The following DEFA4 variants were observed in gnomAD, a reference collection of about 807,000 sequenced individuals.
DEFA4 encodes corticostatin.
In DEFA4, 8 loss-of-function variants were observed where a neutral mutation model predicts 4.4. The observed-to-expected ratio is 1.82, with a 90% confidence interval of 1.07 to 3.29. The LOEUF (loss-of-function observed/expected upper bound fraction) is 3.29, where lower values mean the gene tolerates loss of function less well. Among genes scored for constraint, DEFA4 ranks in the 30% most tolerant of loss-of-function variants. The probability of loss-of-function intolerance (pLI) is 0.00; values close to 1 mark genes in which losing one functional copy is unlikely to be tolerated. For missense variants in DEFA4, 216 were observed against 127.0 expected (o/e 1.70, Z -3.37); for synonymous variants, 77 against 46.5 (o/e 1.66, Z -2.67).
At chr8:6,937,769 A>G (rs768265128) in intron 1 of DEFA4, among the ~76,000 whole-genome samples, 18 of 152,204 alleles carry the variant, frequency 1.2e-4, no homozygotes, top group Admixed American at 6.5e-4. Context: ...ACGCTAAAGC[A>G]TCTTCATAGC....
rs1203947974 is a variant in DEFA4, at chr8:6,936,159, G to A, written c.173-18C>T. On this transcript the variant is annotated intron_variant, in intron 2 of 2. Transcript: ENST00000297435. The stretch of plus-strand genomic sequence containing the variant: ...TGTTGAGCCTGGGAACACAGAGGAA[G>A]CATGAGAAATTAAGCACCAAGGTCA... 1.9e-6 allele frequency: 3 copies of A among 1,612,852 alleles called. No homozygotes were observed. The highest frequency in any genetic ancestry group is 2.2e-5 in the South Asian group (2 of 90,920).
In DEFA4 at chr8:6,938,289, T is replaced by G. The variant is rs1186116750; in HGVS notation, c.-76A>C. On this transcript the variant is annotated 5_prime_UTR_variant, in exon 1 of 3. Coordinates refer to ENST00000297435, the MANE Select transcript of DEFA4 (RefSeq NM_001925.3). ...CAGCAGTCCTGTGTTCCAGGTCTTA[T>G]GTAGCAAGAGCAGCCATGCACACAG... 6.6e-6 allele frequency: 1 copy of G among 152,202 alleles called. No individual in the cohort carries two copies. The highest frequency in any genetic ancestry group is 1.5e-5 in the Non-Finnish European group (1 of 68,048). 9.4% of individuals were successfully genotyped at this position (152,202 alleles called of 1,614,324 possible). A position where few individuals can be genotyped will look rare whatever the true frequency, so the allele number is the denominator to read the frequency against.
chr8:6,936,042 T>C lies in DEFA4; in HGVS notation c.272A>G (p.Tyr91Cys). 6.2e-7 allele frequency: 1 copy of C among 1,613,802 alleles called. No individual in the cohort carries two copies. Among genetic ancestry groups the C allele is most frequent in the African/African-American group, 1.3e-5 (1 of 75,014 alleles). The part of the protein sequence containing the change: ...NCLIGGVSFT[Y>C]CCTRVD ...ACGTTAATCGACACGCGTGCAGCAG[T>C]ATGTGAAACTCACACCACCAATGAG... Residue 91 changes from tyrosine to cysteine, a missense_variant, in exon 3 of 3, where the codon TAC becomes TGC. Physicochemically the swap from Tyr to Cys is radical, Grantham distance 194 (BLOSUM62 -2). Transcript: ENST00000297435.
rs189271139 is a variant in DEFA4 at position 6,936,094 on chromosome 8, G to T, written c.220C>A (p.Arg74=). Residue 74 remains arginine, a synonymous_variant, in exon 3 of 3, where the codon CGA becomes AGA. Coordinates refer to ENST00000297435, the MANE Select transcript of DEFA4 (RefSeq NM_001925.3). ...CAGTTCCCAACACGAAGTTCTGTTCGCCGGCAGAATACTAATCTGCAAGAG... is the reference window on the plus strand; with the variant it reads ...CAGTTCCCAACACGAAGTTCTGTTCTCCGGCAGAATACTAATCTGCAAGAG... ...VCSCRLVFCR[R]TELRVGNCLI... The T allele has an allele frequency of 1.2e-6, 2 of 1,613,912 alleles. No individual in the cohort carries two copies. Among genetic ancestry groups the T allele is most frequent in the Non-Finnish European group, 1.7e-6 (2 of 1,180,030 alleles).
At chr8:6,936,665 C>G in intron 2 of DEFA4, 63 bp downstream of exon 2, 1 of 1,446,682 alleles carries the variant, frequency 6.9e-7, no homozygotes, top group Non-Finnish European at 9.2e-7. Context: ...AGATGTGATT[C>G]CAGAGCCCAT....
intron 1 of DEFA4, among the ~76,000 whole-genome samples, chr8:6,937,486 A>G (rs1424725608): frequency 6.6e-6 from 1 of 152,134 alleles, no homozygotes; most frequent in Non-Finnish European, 1.5e-5. Flanking sequence ...GGTACAGGTG[A>G]AATGAGCTCA....
rs142751555 is a variant in DEFA4, at chr8:6,936,619, T to A, written c.172+109A>T. The stretch of plus-strand genomic sequence containing the variant: ...AGATAAGAAAATCGAGGCCCAGAGA[T>A]GGTAAGTAAAGCCACCTAAGTGACA... On this transcript the variant is annotated intron_variant, in intron 2 of 2. Transcript: ENST00000297435. 8.4e-5 allele frequency: 97 copies of A among 1,152,712 alleles called. No homozygotes were observed. The African/African-American group carries it at 1.4e-3, about 16-fold the overall frequency. 71.4% of individuals were successfully genotyped at this position (1,152,712 alleles called of 1,614,324 possible). A position where few individuals can be genotyped will look rare whatever the true frequency, so the allele number is the denominator to read the frequency against.
intron 1 of DEFA4, 68 bp from the exon 2 acceptor site, chr8:6,936,979 G>A: frequency 7.5e-7 from 1 of 1,330,758 alleles, no homozygotes; most frequent in Non-Finnish European, 9.9e-7. Flanking sequence ...TAGCTTTGCT[G>A]GGAGAAGGCA....
At chr8:6,938,019 T>C (rs1942654591) in intron 1 of DEFA4, among the ~76,000 whole-genome samples, 1 of 152,068 alleles carries the variant, frequency 6.6e-6, no homozygotes, top group African/African-American at 2.4e-5. Context: ...AGGACACGTG[T>C]GTTTGGAAGG....
rs751861970 is a variant in DEFA4, at chr8:6,936,011, A to T, written c.*9T>A. The T allele has an allele frequency of 5.6e-6, 9 of 1,613,662 alleles. No homozygotes were observed. The highest frequency in any genetic ancestry group is 1.7e-5 in the Admixed American group (1 of 59,986). On this transcript the variant is annotated 3_prime_UTR_variant, in exon 3 of 3. Coordinates refer to ENST00000297435, the MANE Select transcript of DEFA4 (RefSeq NM_001925.3). ...TTCCCAGCATGACATTCTCTTGGACAGCAGAACGTTAATCGACACGCGTGC... is the reference window on the plus strand; with the variant it reads ...TTCCCAGCATGACATTCTCTTGGACTGCAGAACGTTAATCGACACGCGTGC...
rs1808944886 is a variant in DEFA4 at position 6,938,299 on chromosome 8, G to A, written c.-86C>T. 6.6e-6 allele frequency: 1 copy of A among 152,228 alleles called. No individual in the cohort carries two copies. Among genetic ancestry groups the A allele is most frequent in the Admixed American group, 6.5e-5 (1 of 15,268 alleles). 9.4% of individuals were successfully genotyped at this position (152,228 alleles called of 1,614,324 possible). A position where few individuals can be genotyped will look rare whatever the true frequency, so the allele number is the denominator to read the frequency against. ...GTGTTCCAGGTCTTATGTAGCAAGA[G>A]CAGCCATGCACACAGAGGAGAGGAC... is the stretch of plus-strand genomic sequence containing the variant. On this transcript the variant is annotated 5_prime_UTR_variant, in exon 1 of 3. Coordinates refer to ENST00000297435, the MANE Select transcript of DEFA4 (RefSeq NM_001925.3).
intron 1 of DEFA4, among the ~76,000 whole-genome samples, chr8:6,937,654 A>C (rs1048573619): frequency 6.6e-6 from 1 of 152,184 alleles, no homozygotes; most frequent in African/African-American, 2.4e-5. Context: ...AAGCACATAC[A>C]AAGATAAAGC....
chr8:6,936,493 C>T (rs905543171), intron 2 of DEFA4, among the ~76,000 whole-genome samples: 2 of 152,162 alleles, frequency 1.3e-5, no homozygotes, highest in Admixed American at 6.5e-5. Flanking sequence ...CAATCTGTCT[C>T]TCCGTATCTT....
At position 6,936,127 on chromosome 8, in the gene DEFA4, T is replaced by C. The variant is rs1808839601; in HGVS notation, c.187A>G (p.Met63Val). ...ALQVSGSTRG[M>V]VCSCRLVFCR... is the part of the protein sequence containing the mutation. ...AATACTAATCTGCAAGAGCAGACCATGCCCCTTGTTGAGCCTGGGAACACA... is the reference window on the plus strand; with the variant it reads ...AATACTAATCTGCAAGAGCAGACCACGCCCCTTGTTGAGCCTGGGAACACA... Residue 63 changes from methionine to valine, a missense_variant, in exon 3 of 3, where the codon ATG (methionine) becomes GTG (valine). Coordinates refer to ENST00000297435, the MANE Select transcript of DEFA4 (RefSeq NM_001925.3). 1.2e-6 allele frequency: 2 copies of C among 1,613,984 alleles called. No homozygotes were observed. The highest frequency in any genetic ancestry group is 1.7e-6 in the Non-Finnish European group (2 of 1,180,008).
chr8:6,937,949 T>G (rs1315797025), intron 1 of DEFA4, among the ~76,000 whole-genome samples: 1 of 152,170 alleles, frequency 6.6e-6, no homozygotes, highest in Non-Finnish European at 1.5e-5. Flanking sequence ...TGCAGAGGCT[T>G]CTCTCACAAT....
At position 6,935,856 on chromosome 8, in the gene DEFA4, G is replaced by A. The variant is rs952989433; in HGVS notation, c.*164C>T. On this transcript the variant is annotated 3_prime_UTR_variant, in exon 3 of 3. Coordinates refer to ENST00000297435, the MANE Select transcript of DEFA4 (RefSeq NM_001925.3). ...GAGATATATATTTAGGATCAAGAAA[G>A]ATGTTAAGGACAAAGTATAGGAGAA... The A allele has an allele frequency of 8.1e-6, 7 of 867,288 alleles. No individual in the cohort carries two copies. The highest frequency in any genetic ancestry group is 6.7e-5 in the African/African-American group (4 of 59,470). 53.7% of individuals were successfully genotyped at this position (867,288 alleles called of 1,614,324 possible). A position where few individuals can be genotyped will look rare whatever the true frequency, so the allele number is the denominator to read the frequency against.
Position 6,935,965 on chromosome 8 carries a change from C to G in DEFA4, c.*55G>C, listed in dbSNP as rs570472812. The G allele has an allele frequency of 5.0e-6, 8 of 1,610,794 alleles. No homozygotes were observed. The East Asian group carries it at 1.8e-4, about 36-fold the overall frequency. The stretch of plus-strand genomic sequence containing the variant: ...AGCTCAGCTGCAGAAGCATGTGAAG[C>G]TAACACCACCGATGATGGCGTTCCC... On this transcript the variant is annotated 3_prime_UTR_variant, in exon 3 of 3. Transcript: ENST00000297435.
chr8:6,936,668 G>C, intron 2 of DEFA4, 60 bp downstream of exon 2: 2 of 1,451,622 alleles, frequency 1.4e-6, no homozygotes, highest in Non-Finnish European at 1.8e-6. Flanking sequence ...TGTGATTCCA[G>C]AGCCCATCTC....
At chr8:6,937,899 CA>C (rs1406398778) in intron 1 of DEFA4, among the ~76,000 whole-genome samples, 1 of 152,062 alleles carries the variant, frequency 6.6e-6, no homozygotes, top group Admixed American at 6.6e-5. Flanking sequence ...AACTCAATAG[CA>C]AAAAACAAAC....
Sources: gnomAD v4.1 joint callset for allele counts (sites outside exome capture counted in the v4.1 genomes callset) on GRCh38, gnomAD v4.1.1 for gene constraint, MANE v1.5 for transcripts, NCBI Gene and HGNC (gene_info 2026-07-23, HGNC 2026-07-21) for gene names.